BICD2: variants seen among roughly 807,000 people sequenced by gnomAD.
The protein encoded by BICD2 is protein bicaudal D homolog 2.
Under a neutral mutation model 72.9 loss-of-function variants are expected in BICD2, and 25 were observed. The ratio of observed to expected loss-of-function variants is 0.34; its 90% confidence interval spans 0.25 to 0.48. The LOEUF (loss-of-function observed/expected upper bound fraction) is 0.48, where lower values mean the gene tolerates loss of function less well. BICD2 is among the 20% of genes least tolerant of loss of function. BICD2 has a pLI of 0.99. For synonymous variants in BICD2, 501 were observed against 516.1 expected (o/e 0.97, Z 0.40); for missense variants, 894 against 1,175.2 (o/e 0.76, Z 3.50).
intron 1 of BICD2, among the ~76,000 whole-genome samples, chr9:92,738,698 A>G (rs1327660135): frequency 6.6e-6 from 1 of 151,884 alleles, no homozygotes; most frequent in East Asian, 1.9e-4. Flanking sequence ...GGCTCCCTGG[A>G]GAAGGCCTAC....
At chr9:92,728,355 T>C (rs1010364179) in intron 2 of BICD2, among the ~76,000 whole-genome samples, 1 of 152,232 alleles carries the variant, frequency 6.6e-6, no homozygotes, top group Non-Finnish European at 1.5e-5. Flanking sequence ...GACGGATTCA[T>C]GGACGGACAC....
intron 1 of BICD2, among the ~76,000 whole-genome samples, chr9:92,759,242 T>G (rs1043195016): frequency 6.6e-6 from 1 of 152,166 alleles, no homozygotes. Context: ...CTTTCCCCTG[T>G]GTTTGATGGT....
rs1853409127 is a variant in BICD2 at position 92,719,399 on chromosome 9, G to A, written c.1246C>T (p.Arg416Cys). ...TAGTCCCCATCCTCATGGCTGTCAC[G>A]GTCCTTCTCGTTGTCCAGGGCTGTC... Reference protein sequence around the residue: ...RQTALDNEKDRDSHEDGDYYE... With the variant: ...RQTALDNEKDCDSHEDGDYYE... Residue 416 changes from arginine (R) to cysteine (C), a missense_variant, in exon 5 of 7, where the codon CGT (arginine) becomes TGT (cysteine). Physicochemically the swap from Arg to Cys is radical, Grantham distance 180. Around this residue, in one of 5 missense-constraint regions of BICD2, gnomAD observed 371 missense variants for 439.1 expected, o/e 0.84. Coordinates refer to ENST00000356884, the MANE Select transcript of BICD2 (RefSeq NM_001003800.2). 8 of 1,614,168 alleles carry A rather than the reference G, an allele frequency of 5.0e-6. No individual in the cohort carries two copies. The highest frequency in any genetic ancestry group is 1.6e-4 in the Middle Eastern group (1 of 6,062).
intron 1 of BICD2, among the ~76,000 whole-genome samples, chr9:92,760,537 C>T (rs926221281): frequency 2.0e-5 from 3 of 152,184 alleles, no homozygotes; most frequent in Admixed American, 2.0e-4. Flanking sequence ...GTGTAAGGGT[C>T]CCTAAAGATT....
At chr9:92,722,933 C>A (rs1003429681) in intron 2 of BICD2, 125 bp from the exon 3 acceptor site, 5 of 1,192,322 alleles carry the variant, frequency 4.2e-6, no homozygotes, top group Non-Finnish European at 5.9e-6. Context: ...CTGCAGGTGC[C>A]AGTGTGACTG....
chr9:92,722,785 C>T lies in BICD2; in HGVS notation c.477G>A (p.Gln159=), dbSNP rs1378577431. 1 of 1,613,960 alleles carries T rather than the reference C, an allele frequency of 6.2e-7. No homozygotes were observed. The highest frequency in any genetic ancestry group is 1.3e-5 in the African/African-American group (1 of 74,884). The part of the protein sequence containing the change: ...LKEINQNVEI[Q]RGRLRDDIKE... Reference sequence around the variant, plus strand: ...TGATGTCATCCCGCAGGCGGCCACGCTGGATCTCCACATTCTGGTTGATCT... The same window carrying T: ...TGATGTCATCCCGCAGGCGGCCACGTTGGATCTCCACATTCTGGTTGATCT... Residue 159 remains glutamine (Q), a synonymous_variant, in exon 3 of 7, where the codon CAG becomes CAA. Coordinates refer to ENST00000356884, the MANE Select transcript of BICD2 (RefSeq NM_001003800.2).
intron 6 of BICD2, 51 bp from the exon 7 acceptor site, chr9:92,715,514 G>A (rs1853291067): frequency 1.3e-6 from 2 of 1,504,114 alleles, no homozygotes; most frequent in African/African-American, 1.4e-5. Context: ...GAGCAGAGGA[G>A]GGCAGGGCAG....
chr9:92,755,579 T>C (rs1430343634), intron 1 of BICD2, among the ~76,000 whole-genome samples: 1 of 152,232 alleles, frequency 6.6e-6, no homozygotes, highest in Non-Finnish European at 1.5e-5. Context: ...TGTCCCTTTA[T>C]TTCTCAAGCT....
chr9:92,755,566 C>G (rs1854237917), intron 1 of BICD2, among the ~76,000 whole-genome samples: 1 of 152,200 alleles, frequency 6.6e-6, no homozygotes, highest in Non-Finnish European at 1.5e-5. Flanking sequence ...CTCTTTTGTA[C>G]TCTGTCCCTT....
chr9:92,715,476 A>C lies in BICD2; in HGVS notation c.2259-13T>G. 1 of 1,567,036 alleles carries C rather than the reference A, an allele frequency of 6.4e-7. No homozygotes were observed. Among genetic ancestry groups the C allele is most frequent in the Non-Finnish European group, 8.7e-7 (1 of 1,149,886 alleles). The stretch of plus-strand genomic sequence containing the variant: ...GTACTCGTCACACCTGTGGGTACCA[A>C]AAACATGACTGAGGGGCGGGCAGAG... On this transcript the variant is annotated splice_polypyrimidine_tract_variant and intron_variant, in intron 6 of 6. Coordinates refer to ENST00000356884, the MANE Select transcript of BICD2 (RefSeq NM_001003800.2).
At chr9:92,736,143 A>G (rs1853783192) in intron 1 of BICD2, among the ~76,000 whole-genome samples, 1 of 152,254 alleles carries the variant, frequency 6.6e-6, no homozygotes, top group Non-Finnish European at 1.5e-5. Flanking sequence ...CACAAGATAC[A>G]GGTCATAAAG....
At position 92,713,805 on chromosome 9, in the gene BICD2, C is replaced by A. The variant is rs1039623643; in HGVS notation, c.*1349G>T. On this transcript the variant is annotated 3_prime_UTR_variant, in exon 7 of 7. Coordinates refer to ENST00000356884, the MANE Select transcript of BICD2 (RefSeq NM_001003800.2). ...GCGTGTCCTGGAGTCTGGAGGGGAC[C>A]GAAACATACTCGGCACCAAAGGGAA... 4.1e-5 allele frequency: 46 copies of A among 1,135,546 alleles called. 1 individual carries two copies. The highest frequency in any genetic ancestry group is 4.9e-5 in the Non-Finnish European group (45 of 919,380). 70.3% of individuals were successfully genotyped at this position (1,135,546 alleles called of 1,614,324 possible).
At chr9:92,755,731 C>G (rs1211932793) in intron 1 of BICD2, among the ~76,000 whole-genome samples, 1 of 152,192 alleles carries the variant, frequency 6.6e-6, no homozygotes, top group Non-Finnish European at 1.5e-5. Flanking sequence ...CCCTTACACC[C>G]CAGCATGTTG....
chr9:92,714,754 T>TG lies in BICD2; in HGVS notation c.*399dup. ...CTTTCTAGTGCTGACATTAGACACA[T>TG]GCGAGGAACATGCAAGTCTCAACTC... On this transcript the variant is annotated 3_prime_UTR_variant, in exon 7 of 7. Transcript: ENST00000356884. 1 of 1,013,586 alleles carries TG rather than the reference T, an allele frequency of 9.9e-7. No individual in the cohort carries two copies. The highest frequency in any genetic ancestry group is 4.4e-5 in the South Asian group (1 of 22,710). The allele number at this position is 1,013,586 out of a possible 1,614,324, so 62.8% of individuals were successfully genotyped here.
chr9:92,714,792 T>G lies in BICD2; in HGVS notation c.*362A>C. 1 of 1,039,036 alleles carries G rather than the reference T, an allele frequency of 9.6e-7. No homozygotes were observed. The highest frequency in any genetic ancestry group is 1.2e-6 in the Non-Finnish European group (1 of 865,220). The allele number at this position is 1,039,036 out of a possible 1,614,324, so 64.4% of individuals were successfully genotyped here. A position where few individuals can be genotyped will look rare whatever the true frequency, so the allele number is the denominator to read the frequency against. On this transcript the variant is annotated 3_prime_UTR_variant, in exon 7 of 7. Coordinates refer to ENST00000356884, the MANE Select transcript of BICD2 (RefSeq NM_001003800.2). ...CAAGTCTCAACTCAGGTTCTGCCCC[T>G]TTTGGGTGCTGAGGGAGCAGGACCA...
At chr9:92,733,842 C>A (rs2131514371) in intron 1 of BICD2, among the ~76,000 whole-genome samples, 1 of 152,154 alleles carries the variant, frequency 6.6e-6, no homozygotes, top group East Asian at 1.9e-4. Context: ...CGGCGGGCGC[C>A]CGTAGTCCCA....
chr9:92,754,077 G>A (rs1218785546), intron 1 of BICD2, among the ~76,000 whole-genome samples: 3 of 151,628 alleles, frequency 2.0e-5, no homozygotes, highest in South Asian at 2.1e-4. Context: ...CCCGGGAGGC[G>A]GAGCTTGCAG....
intron 3 of BICD2, among the ~76,000 whole-genome samples, chr9:92,721,076 T>C (rs1439794668): frequency 6.6e-6 from 1 of 152,254 alleles, no homozygotes; most frequent in African/African-American, 2.4e-5. Context: ...AAGCCAGGAC[T>C]GTACGTGTGG....
chr9:92,722,571 C>T, intron 3 of BICD2, 85 bp downstream of exon 3: 1 of 1,562,638 alleles, frequency 6.4e-7, no homozygotes, highest in Middle Eastern at 1.8e-4. Flanking sequence ...GGAACCCCTT[C>T]CCAACAGGGA....
Sources: gnomAD v4.1 joint callset for allele counts (sites outside exome capture counted in the v4.1 genomes callset) on GRCh38, gnomAD v4.1.1 for gene constraint, gnomAD v4.1.1 regional missense constraint, MANE v1.5 for transcripts, NCBI Gene and HGNC (gene_info 2026-07-23, HGNC 2026-07-21) for gene names.